Variants in PCBD2 observed in about 807,000 individuals in gnomAD.
PCBD2 encodes the protein pterin-4 alpha-carbinolamine dehydratase 2.
In PCBD2, 12 loss-of-function variants were observed where a neutral mutation model predicts 16.4. The observed-to-expected ratio is 0.73, with a 90% CI of 0.47 to 1.19. The LOEUF is 1.19. PCBD2 is among the 50% of genes most tolerant of loss of function. PCBD2 has a pLI of 0.00. For synonymous variants in PCBD2, 58 were observed against 61.8 expected (o/e 0.94, Z 0.29); for missense variants, 138 against 156.8 (o/e 0.88, Z 0.64).
chr5:134,936,888 T>C (rs903405750), intron 2 of PCBD2, among the ~76,000 whole-genome samples: 1 of 152,230 alleles, frequency 6.6e-6, no homozygotes, highest in African/African-American at 2.4e-5. Flanking sequence ...AGTTAAATCC[T>C]AAAATGATCA....
chr5:134,906,931 A>G (rs941616429), intron 1 of PCBD2, among the ~76,000 whole-genome samples: 1 of 152,218 alleles, frequency 6.6e-6, no homozygotes. Flanking sequence ...TCTGCTGTGA[A>G]TGTGCCCTCA....
At chr5:134,924,049 T>C in intron 2 of PCBD2, 1 of 396,048 alleles carries the variant, frequency 2.5e-6, no homozygotes, top group Non-Finnish European at 4.5e-6. Flanking sequence ...ATTGGGGTCA[T>C]TAGTGTTCTT....
chr5:134,926,695 A>T (rs1391958667), intron 2 of PCBD2: 1 of 396,898 alleles, frequency 2.5e-6, no homozygotes, highest in Non-Finnish European at 4.4e-6. Flanking sequence ...GGGTTGAGGG[A>T]TAGGAGGAGG....
At chr5:134,935,670 G>T (rs533690185) in intron 2 of PCBD2, among the ~76,000 whole-genome samples, 2 of 152,278 alleles carry the variant, frequency 1.3e-5, no homozygotes, top group East Asian at 3.9e-4. Flanking sequence ...TAGCAGTCCA[G>T]AATGGAATTA....
At chr5:134,907,493 G>T (rs1161828770) in intron 1 of PCBD2, among the ~76,000 whole-genome samples, 1 of 151,890 alleles carries the variant, frequency 6.6e-6, no homozygotes, top group East Asian at 1.9e-4. Context: ...TGCTCGCCTC[G>T]GCCTCCCAAA....
chr5:134,913,295 A>T (rs778387304), intron 2 of PCBD2, among the ~76,000 whole-genome samples: 2 of 152,124 alleles, frequency 1.3e-5, no homozygotes, highest in African/African-American at 2.4e-5. Context: ...GTGGAGGGGG[A>T]CAGAGGCACT....
intron 2 of PCBD2, among the ~76,000 whole-genome samples, chr5:134,929,742 A>T (rs1751069597): frequency 6.6e-6 from 1 of 152,190 alleles, no homozygotes; most frequent in Non-Finnish European, 1.5e-5. Flanking sequence ...TCTAGCCTTG[A>T]GTACAGTGGT....
chr5:134,925,197 G>A (rs879998639), intron 2 of PCBD2: 2 of 398,508 alleles, frequency 5.0e-6, no homozygotes, highest in Non-Finnish European at 4.4e-6. Context: ...GAGTGCTATA[G>A]GCGCTTGTCA....
Position 134,905,197 on chromosome 5 carries a change from G to C in PCBD2, c.58G>C (p.Gly20Arg), listed in dbSNP as rs761349779. 4.5e-3 allele frequency: 5,528 copies of C among 1,224,794 alleles called. 17 individuals are homozygous for C. The highest frequency in any genetic ancestry group is 5.2e-3 in the Non-Finnish European group (5,147 of 983,602). The allele number at this position is 1,224,794 out of a possible 1,614,324, so 75.9% of individuals were successfully genotyped here. ...ATRRLLAALR[G>R]QSLGLAAMSS... ...GCGGCGCTTGTTGGCGGCGCTGCGA[G>C]GCCAGAGCCTAGGGCTAGCGGCCAT... Residue 20 changes from glycine (G) to arginine (R), a missense_variant, in exon 1 of 4, where the codon GGC becomes CGC. Gly to Arg is a moderately radical substitution (Grantham distance 125). Transcript: ENST00000254908.
intron 2 of PCBD2, among the ~76,000 whole-genome samples, chr5:134,951,047 T>C (rs1333914278): frequency 6.6e-6 from 1 of 152,196 alleles, no homozygotes; most frequent in Non-Finnish European, 1.5e-5. Context: ...TTCATTTTTT[T>C]CCCAAACTAA....
chr5:134,929,347 A>G (rs983961170), intron 2 of PCBD2, among the ~76,000 whole-genome samples: 2 of 73,780 alleles, frequency 2.7e-5, no homozygotes, highest in African/African-American at 7.2e-5. Context: ...ACCTTGTCTC[A>G]AAAAAAAAAA....
At chr5:134,946,353 C>A (rs1210861530) in intron 2 of PCBD2, among the ~76,000 whole-genome samples, 1 of 152,096 alleles carries the variant, frequency 6.6e-6, no homozygotes, top group Non-Finnish European at 1.5e-5. Flanking sequence ...GGTTTCTTTG[C>A]TGGGCTTCTT....
At chr5:134,959,477 C>T (rs10515466) in intron 3 of PCBD2, among the ~76,000 whole-genome samples, 2,874 of 152,134 alleles carry the variant, frequency 0.019, 79 homozygotes, top group African/African-American at 0.06. Flanking sequence ...TCATTTATCT[C>T]GTTGAAATAT....
chr5:134,925,315 C>A, intron 2 of PCBD2: 1 of 398,332 alleles, frequency 2.5e-6, no homozygotes, highest in South Asian at 1.3e-4. Context: ...GAAGGGTATT[C>A]CTGCCAATGC....
At chr5:134,919,369 ATGT>A (rs922591549) in intron 2 of PCBD2, among the ~76,000 whole-genome samples, 1 of 152,202 alleles carries the variant, frequency 6.6e-6, no homozygotes, top group African/African-American at 2.4e-5. Context: ...TGCATGGAAA[ATGT>A]TGTGGGTTTA....
chr5:134,944,859 G>A (rs1006281108), intron 2 of PCBD2, among the ~76,000 whole-genome samples: 1 of 152,190 alleles, frequency 6.6e-6, no homozygotes, highest in African/African-American at 2.4e-5. Context: ...GGAAGCTGGT[G>A]TTTATCTGGT....
At chr5:134,910,562 A>G (rs1415473930) in intron 2 of PCBD2, 96 bp downstream of exon 2, 42 of 1,395,634 alleles carry the variant, frequency 3.0e-5, no homozygotes, top group Non-Finnish European at 3.7e-5. Flanking sequence ...TCCCATGTAG[A>G]TCTAGGATTC....
intron 2 of PCBD2, among the ~76,000 whole-genome samples, chr5:134,932,253 C>T (rs747264156): frequency 2.6e-4 from 40 of 152,084 alleles, no homozygotes; most frequent in Non-Finnish European, 5.3e-4. Context: ...TCGTAGCTTA[C>T]TGTAGCCTCA....
At chr5:134,929,649 A>T (rs1751068584) in intron 2 of PCBD2, among the ~76,000 whole-genome samples, 1 of 152,116 alleles carries the variant, frequency 6.6e-6, no homozygotes, top group Admixed American at 6.5e-5. Context: ...TCATTCCTAG[A>T]CTTATACTTG....
Sources: gnomAD v4.1 joint callset for allele counts (sites outside exome capture counted in the v4.1 genomes callset) on GRCh38, gnomAD v4.1.1 for gene constraint, MANE v1.5 for transcripts, NCBI Gene and HGNC (gene_info 2026-07-23, HGNC 2026-07-21) for gene names.